DLG2: variants seen among roughly 807,000 people sequenced by gnomAD.
The protein encoded by DLG2 is discs large MAGUK scaffold protein 2, also known as disks large homolog 2.
DLG2 carries 45 observed loss-of-function variants against 132.5 expected under a neutral mutation model. The observed-to-expected ratio is 0.34, with a 90% CI of 0.27 to 0.44. DLG2 has a LOEUF of 0.44. Ranked by LOEUF, DLG2 falls within the 20% of genes least tolerant of loss-of-function variation. DLG2 has a pLI of 1.00. For missense variants in DLG2, 1,045 were observed against 1,196.9 expected, an observed-to-expected ratio of 0.87 and a Z score of 1.87; for synonymous variants, 424 against 419.6, an observed-to-expected ratio of 1.01 and a Z score of -0.13.
Position 85,124,940 on chromosome 11 carries a change from C to T in DLG2, c.283-13205G>A, listed in dbSNP as rs554125632. On this transcript the variant is annotated intron_variant, in intron 5 of 27. Transcript: ENST00000376104. The stretch of plus-strand genomic sequence containing the variant: ...CCGCCTCCCAGGTTCACGCCATTCT[C>T]CTGCCTCAGCCTCCCAAGTAGCTGG... Among the ~76,000 whole-genome samples the T allele has an allele frequency of 3.4e-3, 520 of 151,984 alleles. 3 individuals are homozygous for T. Among genetic ancestry groups the T allele is most frequent in the South Asian group, 0.023 (109 of 4,808 alleles).
At chr11:84,465,275 G>C (rs568760355) in intron 7 of DLG2, among the ~76,000 whole-genome samples, 2 of 151,326 alleles carry the variant, frequency 1.3e-5, no homozygotes, top group African/African-American at 4.8e-5. Flanking sequence ...GCAATTAAAA[G>C]TGTTTAACCG....
intron 6 of DLG2, among the ~76,000 whole-genome samples, chr11:84,855,108 G>C (rs554476197): frequency 2.6e-5 from 4 of 151,990 alleles, no homozygotes; most frequent in Non-Finnish European, 2.9e-5. Context: ...AAAACTACTA[G>C]AGAGGCTTAT....
intron 6 of DLG2, among the ~76,000 whole-genome samples, chr11:84,979,831 AAAAAAAAC>A (rs1304488396): frequency 6.6e-6 from 1 of 152,080 alleles, no homozygotes; most frequent in Non-Finnish European, 1.5e-5. Context: ...CCTCCTTCAA[AAAAAAAAC>A]AAAAAAACTA....
intron 6 of DLG2, among the ~76,000 whole-genome samples, chr11:85,018,627 T>C (rs2059767522): frequency 6.6e-6 from 1 of 152,130 alleles, no homozygotes; most frequent in Non-Finnish European, 1.5e-5. Flanking sequence ...TCACACTCTC[T>C]CATCCCACAA....
chr11:85,211,569 C>A (rs1372295949), intron 4 of DLG2, among the ~76,000 whole-genome samples: 1 of 151,980 alleles, frequency 6.6e-6, no homozygotes, highest in Non-Finnish European at 1.5e-5. Context: ...TATAAGAGTA[C>A]CCTGCTCAAG....
chr11:85,222,016 C>A (rs1000845654), intron 4 of DLG2, among the ~76,000 whole-genome samples: 12 of 151,980 alleles, frequency 7.9e-5, no homozygotes, highest in Non-Finnish European at 1.8e-4. Flanking sequence ...CAGGTCACCA[C>A]AAGCTCCACC....
At chr11:83,871,459 T>G (rs1374481561) in intron 16 of DLG2, among the ~76,000 whole-genome samples, 2 of 152,204 alleles carry the variant, frequency 1.3e-5, no homozygotes, top group African/African-American at 2.4e-5. Flanking sequence ...TAAACTACAT[T>G]CATTTAAAAA....
chr11:84,626,847 A>ACATTTTATTTTATTATTTTATT (rs373094154), intron 6 of DLG2, among the ~76,000 whole-genome samples: 1 of 144,010 alleles, frequency 6.9e-6, no homozygotes, highest in Non-Finnish European at 1.5e-5. Flanking sequence ...CATCAATTAC[A>ACATTTTATTTTATTATTTTATT]TATTTTATTT....
At chr11:84,715,161 A>G (rs761198884) in intron 6 of DLG2, among the ~76,000 whole-genome samples, 2 of 152,160 alleles carry the variant, frequency 1.3e-5, no homozygotes, top group African/African-American at 4.8e-5. Flanking sequence ...AAGATACCTG[A>G]TGTGTCCTAC....
intron 7 of DLG2, among the ~76,000 whole-genome samples, chr11:84,447,181 T>C (rs1238272912): frequency 3.3e-5 from 5 of 152,210 alleles, no homozygotes; most frequent in African/African-American, 1.2e-4. Flanking sequence ...TATTGTGACC[T>C]TGGAAAAGTT....
At chr11:85,050,409 A>C (rs1593250527) in intron 6 of DLG2, among the ~76,000 whole-genome samples, 1 of 152,268 alleles carries the variant, frequency 6.6e-6, no homozygotes, top group Admixed American at 6.5e-5. Context: ...GGCCTTACCT[A>C]GGCTTTCCAA....
chr11:84,158,364 ATTG>A lies in DLG2; in HGVS notation c.624+5094_624+5096del, dbSNP rs373211757. On this transcript the variant is annotated intron_variant, in intron 9 of 27. Coordinates refer to ENST00000376104, the MANE Select transcript of DLG2 (RefSeq NM_001142699.3). ...AGGCATGAGCCACCGCCCCTGGCCTATTGTTGTTGTTTTCAAAGAGGCATATTG... is the reference window on the plus strand; with the variant it reads ...AGGCATGAGCCACCGCCCCTGGCCTATTGTTGTTTTCAAAGAGGCATATTG... Among the ~76,000 whole-genome samples, 446 of 152,180 alleles carry A rather than the reference ATTG, an allele frequency of 2.9e-3. 2 individuals are homozygous for A. Among genetic ancestry groups the A allele is most frequent in the African/African-American group, 0.01 (422 of 41,538 alleles).
At chr11:84,610,762 A>G (rs947738001) in intron 6 of DLG2, among the ~76,000 whole-genome samples, 1 of 152,090 alleles carries the variant, frequency 6.6e-6, no homozygotes, top group African/African-American at 2.4e-5. Flanking sequence ...CCCAAGGGTA[A>G]CAGCTTGAGG....
chr11:83,737,845 G>T (rs1217264552), intron 18 of DLG2, among the ~76,000 whole-genome samples: 1 of 152,094 alleles, frequency 6.6e-6, no homozygotes, highest in South Asian at 2.1e-4. Context: ...AGGGTTAGTT[G>T]AACTGGTTCC....
At chr11:85,256,338 G>C (rs140428112) in intron 4 of DLG2, among the ~76,000 whole-genome samples, 2 of 152,080 alleles carry the variant, frequency 1.3e-5, no homozygotes, top group South Asian at 2.1e-4. Flanking sequence ...ATCATCTTCC[G>C]ACTCCATCTG....
intron 8 of DLG2, among the ~76,000 whole-genome samples, chr11:84,179,003 A>C (rs1456386092): frequency 6.6e-6 from 1 of 152,152 alleles, no homozygotes; most frequent in Non-Finnish European, 1.5e-5. Context: ...AGTAAGCAAT[A>C]AATAGAAGCT....
intron 4 of DLG2, among the ~76,000 whole-genome samples, chr11:85,188,620 G>A (rs988309295): frequency 6.6e-6 from 1 of 152,090 alleles, no homozygotes; most frequent in Non-Finnish European, 1.5e-5. Flanking sequence ...ATTAAAGTAT[G>A]ACTATAATGA....
At chr11:84,868,618 T>C (rs2084992098) in intron 6 of DLG2, among the ~76,000 whole-genome samples, 1 of 152,172 alleles carries the variant, frequency 6.6e-6, no homozygotes, top group South Asian at 2.1e-4. Flanking sequence ...TAGGAGTGTG[T>C]AGATGTTGTA....
At chr11:83,506,397 A>T (rs1054336549) in intron 21 of DLG2, among the ~76,000 whole-genome samples, 7 of 151,978 alleles carry the variant, frequency 4.6e-5, no homozygotes, top group Non-Finnish European at 1.0e-4. Context: ...TGTTCTCCAG[A>T]TTTATGTTTA....
Sources: gnomAD v4.1 joint callset for allele counts (sites outside exome capture counted in the v4.1 genomes callset) on GRCh38, gnomAD v4.1.1 for gene constraint, MANE v1.5 for transcripts, NCBI Gene and HGNC (gene_info 2026-07-23, HGNC 2026-07-21) for gene names.